Variants in CFAP157 observed in about 807,000 individuals in gnomAD.
The protein encoded by CFAP157 is cilia- and flagella-associated protein 157.
Under a neutral mutation model 57.8 loss-of-function variants are expected in CFAP157, and 43 were observed. That is an observed-to-expected ratio of 0.74 (90% CI 0.58 to 0.96). The LOEUF is 0.96. Ranked by LOEUF, CFAP157 falls within the 40% of genes least tolerant of loss-of-function variation. The pLI is 0.00. For missense variants in CFAP157, 606 were observed against 655.3 expected, an observed-to-expected ratio of 0.92 and a Z score of 0.82; for synonymous variants, 267 against 269.0, an observed-to-expected ratio of 0.99 and a Z score of 0.07.
intron 5 of CFAP157, 49 bp from the exon 6 acceptor site, chr9:127,712,148 CCA>C (rs753366037): frequency 1.2e-6 from 2 of 1,604,576 alleles, no homozygotes; most frequent in Non-Finnish European, 8.5e-7. Flanking sequence ...CCAGGTGGCC[CCA>C]GTCCTGGGGA....
Position 127,709,277 on chromosome 9 carries a change from A to G in CFAP157, c.162-145A>G. On this transcript the variant is annotated intron_variant, in intron 1 of 8. Coordinates refer to ENST00000373295, the MANE Select transcript of CFAP157 (RefSeq NM_001012502.3). This position sits in a 1 kb window ranked among gnomAD's most constrained non-coding sequence, Gnocchi z 4.7. ...TCATGACTGTCGGACCAAGGGGCAT[A>G]GTGGGAGATGAGGCTGGATTCTGAT... The G allele has an allele frequency of 1.3e-6, 1 of 767,630 alleles. No homozygotes were observed. The allele number at this position is 767,630 out of a possible 1,614,324, so 47.6% of individuals were successfully genotyped here. A position where few individuals can be genotyped will look rare whatever the true frequency, so the allele number is the denominator to read the frequency against.
In CFAP157 at chr9:127,707,194, T is replaced by C. The variant is rs772614407; in HGVS notation, c.161+2T>C. 1.2e-6 allele frequency: 2 copies of C among 1,609,786 alleles called. No homozygotes were observed. Among genetic ancestry groups the C allele is most frequent in the Non-Finnish European group, 8.5e-7 (1 of 1,179,066 alleles). The stretch of plus-strand genomic sequence containing the variant: ...AGACCTGGAGGACCGGCTAGCCCGG[T>C]GCGTGGGCTGGCGGGCAGGAGTCTG... On this transcript the variant is annotated splice_donor_variant, in intron 1 of 8. Transcript: ENST00000373295. LOFTEE classifies it high-confidence loss of function.
In CFAP157 at chr9:127,714,910, T is replaced by C. The variant is rs1348347017; in HGVS notation, c.*1005T>C. ...ATCTGTCACAGCCAGTGCTCCCCTC[T>C]GGCCCCCGCGCCCCAACCCCCACCC... On this transcript the variant is annotated 3_prime_UTR_variant, in exon 9 of 9. Coordinates refer to ENST00000373295, the MANE Select transcript of CFAP157 (RefSeq NM_001012502.3). 8 of 926,810 alleles carry C rather than the reference T, an allele frequency of 8.6e-6. No homozygotes were observed. The allele number at this position is 926,810 out of a possible 1,614,324, so 57.4% of individuals were successfully genotyped here.
Position 127,710,586 on chromosome 9 carries a change from C to T in CFAP157, c.434-15C>T, listed in dbSNP as rs375545874. On this transcript the variant is annotated splice_polypyrimidine_tract_variant and intron_variant, in intron 2 of 8. Coordinates refer to ENST00000373295, the MANE Select transcript of CFAP157 (RefSeq NM_001012502.3). ...AGGCAGCCCATCATTGGGCCTTGTG[C>T]GCTGTGGCGGCCAGGGGGGAAGCTG... The T allele has an allele frequency of 6.4e-6, 10 of 1,570,346 alleles. No homozygotes were observed. Among genetic ancestry groups the T allele is most frequent in the South Asian group, 1.2e-5 (1 of 85,484 alleles).
chr9:127,714,422 C>A lies in CFAP157; in HGVS notation c.*517C>A, dbSNP rs143416207. 2.8e-5 allele frequency: 46 copies of A among 1,614,048 alleles called. No homozygotes were observed. The African/African-American group carries it at 5.6e-4, about 20-fold the overall frequency. On this transcript the variant is annotated 3_prime_UTR_variant, in exon 9 of 9. Coordinates refer to ENST00000373295, the MANE Select transcript of CFAP157 (RefSeq NM_001012502.3). The stretch of plus-strand genomic sequence containing the variant: ...AATGCAGGAACGGACTCCATTGTGG[C>A]CCCTTCAAGGGATATGGGAGGGGCA...
chr9:127,710,812 C>T lies in CFAP157; in HGVS notation c.587+58C>T. 4.6e-6 allele frequency: 7 copies of T among 1,534,916 alleles called. No homozygotes were observed. In the South Asian group the frequency reaches 6.0e-5, roughly 13 times the overall value. ...GAGGCTTCATCCCTGGGGCTACGAA[C>T]ATCCTAGTCTTCAGGCCTCAGCTTC... On this transcript the variant is annotated intron_variant, in intron 3 of 8. Transcript: ENST00000373295.
intron 5 of CFAP157, 27 bp downstream of exon 5, chr9:127,711,977 C>A (rs891341638): frequency 1.3e-6 from 2 of 1,590,472 alleles, no homozygotes; most frequent in South Asian, 1.1e-5. Context: ...GAGGGGCGGG[C>A]GGCGGGTGCA....
chr9:127,709,674 C>T lies in CFAP157; in HGVS notation c.414C>T (p.Thr138=), dbSNP rs754390603. The change falls in exon 2 of 9, where the codon ACC becomes ACT. Residue 138 remains threonine (T), a synonymous_variant. Transcript: ENST00000373295. This position sits in a 1 kb window ranked among gnomAD's most constrained non-coding sequence, Gnocchi z 4.7. Reference sequence around the variant, plus strand: ...TCCAGGAGACCAAGGACCAGCTCACCACGGAGAACATCATCCTTGGTGAGG... The same window carrying T: ...TCCAGGAGACCAAGGACCAGCTCACTACGGAGAACATCATCCTTGGTGAGG... The part of the protein sequence containing the change: ...HEFQETKDQL[T]TENIILGGKL... The T allele has an allele frequency of 1.2e-6, 2 of 1,613,478 alleles. No individual in the cohort carries two copies. Among genetic ancestry groups the T allele is most frequent in the Non-Finnish European group, 1.7e-6 (2 of 1,179,876 alleles).
Position 127,714,925 on chromosome 9 carries a change from A to AACCC in CFAP157, c.*1021_*1024dup. ...TGCTCCCCTCTGGCCCCCGCGCCCC[A>AACCC]ACCCCCACCCCCTTGGCCCGCCCGC... On this transcript the variant is annotated 3_prime_UTR_variant, in exon 9 of 9. Transcript: ENST00000373295. The AACCC allele has an allele frequency of 3.2e-6, 1 of 313,266 alleles. No individual in the cohort carries two copies. Among genetic ancestry groups the AACCC allele is most frequent in the Non-Finnish European group, 5.7e-6 (1 of 175,366 alleles). The allele number at this position is 313,266 out of a possible 1,614,324, so 19.4% of individuals were successfully genotyped here.
rs1320233257 is a variant in CFAP157, at chr9:127,709,861, T to C, written c.433+168T>C. Among the ~76,000 whole-genome samples, 2 of 152,120 alleles carry C rather than the reference T, an allele frequency of 1.3e-5. No individual in the cohort carries two copies. Among genetic ancestry groups the C allele is most frequent in the Admixed American group, 6.6e-5 (1 of 15,266 alleles). ...AAGCTGGAAACATCCCCCAACCAGT[T>C]TGTAGACAAGGAAGCACCTCAAAAG... On this transcript the variant is annotated intron_variant, in intron 2 of 8. Transcript: ENST00000373295. This position sits in a 1 kb window ranked among gnomAD's most constrained non-coding sequence, Gnocchi z 4.7.
rs533954528 is a variant in CFAP157, at chr9:127,712,248, T to C, written c.1036T>C (p.Leu346=). Residue 346 remains leucine (L), a synonymous_variant, in exon 6 of 9, where the codon TTG becomes CTG. Transcript: ENST00000373295. ...GCAGCTGGAGCAGCAGCAGGTGGATTTGCAGCGGCTACAGCAGGAACTGGC... is the reference window on the plus strand; with the variant it reads ...GCAGCTGGAGCAGCAGCAGGTGGATCTGCAGCGGCTACAGCAGGAACTGGC... ...SLQLEQQQVD[L]QRLQQELANE... The C allele has an allele frequency of 8.7e-6, 14 of 1,614,016 alleles. No homozygotes were observed. The East Asian group carries it at 8.9e-5, about 10-fold the overall frequency.
chr9:127,711,458 CAGA>C lies in CFAP157; in HGVS notation c.820_822del (p.Lys274del), dbSNP rs1456079367. On this transcript the variant is annotated inframe_deletion, in exon 4 of 9. Transcript: ENST00000373295. ...ACAGCTGGAGCTGCTGGAGAACACC[CAGA>C]AGGTCATGGCCAGGCACAAAAGAGG... is the stretch of plus-strand genomic sequence containing the variant. 6 of 1,614,016 alleles carry C rather than the reference CAGA, an allele frequency of 3.7e-6. No homozygotes were observed. The highest frequency in any genetic ancestry group is 2.2e-5 in the South Asian group (2 of 91,084).
chr9:127,711,119 A>C, intron 3 of CFAP157, 110 bp from the exon 4 acceptor site: 7 of 1,305,788 alleles, frequency 5.4e-6, no homozygotes, highest in Non-Finnish European at 7.3e-6. Flanking sequence ...CCAGGGAGAG[A>C]GCATGCTGGT....
In CFAP157 at chr9:127,711,411, G is replaced by A; in HGVS notation, c.770G>A (p.Gly257Glu). Residue 257 changes from glycine to glutamate, a missense_variant, in exon 4 of 9, where the codon GGA becomes GAA. Coordinates refer to ENST00000373295, the MANE Select transcript of CFAP157 (RefSeq NM_001012502.3). ...CTGCAGGAGAATGAGCAGCTCAAGG[G>A]AAGACAGAACAATCTGTGCAAACAG... ...KLLQENEQLK[G>E]RQNNLCKQLE... 1.9e-6 allele frequency: 3 copies of A among 1,614,158 alleles called. No homozygotes were observed. Among genetic ancestry groups the A allele is most frequent in the Non-Finnish European group, 2.5e-6 (3 of 1,180,044 alleles).
At chr9:127,712,664 ACTGGGGCCACTGTGGGC>A (rs1473123556) in intron 6 of CFAP157, 28 bp from the exon 7 acceptor site, 13 of 1,613,766 alleles carry the variant, frequency 8.1e-6, no homozygotes, top group Non-Finnish European at 1.1e-5. Flanking sequence ...GAGGGTGGGT[ACTGGGGCCACTGTGGGC>A]CTGCTGCCAC....
rs747365184 is a variant in CFAP157, at chr9:127,714,344, C to T, written c.*439C>T. The T allele has an allele frequency of 2.5e-6, 4 of 1,614,154 alleles. No individual in the cohort carries two copies. The highest frequency in any genetic ancestry group is 2.5e-6 in the Non-Finnish European group (3 of 1,179,996). ...GAGGTGCTGGGGGACCCCTGGCCCA[C>T]CCGACCCAGTTGCACAACAAAAGGG... On this transcript the variant is annotated 3_prime_UTR_variant, in exon 9 of 9. Transcript: ENST00000373295.
At chr9:127,712,416 C>T (rs1184916569) in intron 6 of CFAP157, 67 bp downstream of exon 6, 2 of 1,581,364 alleles carry the variant, frequency 1.3e-6, no homozygotes, top group East Asian at 4.5e-5. Flanking sequence ...AAGCTGCTTG[C>T]AGAGAAGGGG....
At position 127,713,055 on chromosome 9, in the gene CFAP157, T is replaced by C; in HGVS notation, c.1340T>C (p.Leu447Pro). Reference sequence around the variant, plus strand: ...ATCCAGCTGCCCAGGACTGGGTCTCTGCTGCCGCAGCTCTCTGACATCACC... The same window carrying C: ...ATCCAGCTGCCCAGGACTGGGTCTCCGCTGCCGCAGCTCTCTGACATCACC... ...PSIQLPRTGSLLPQLSDITPY... is the reference protein window; with the variant it reads ...PSIQLPRTGSPLPQLSDITPY... The change falls in exon 8 of 9, where the codon CTG (leucine) becomes CCG (proline). Residue 447 changes from leucine to proline, a missense_variant. Leu to Pro is a moderately conservative substitution (Grantham distance 98). Coordinates refer to ENST00000373295, the MANE Select transcript of CFAP157 (RefSeq NM_001012502.3). 1 of 1,613,890 alleles carries C rather than the reference T, an allele frequency of 6.2e-7. No homozygotes were observed. The highest frequency in any genetic ancestry group is 8.5e-7 in the Non-Finnish European group (1 of 1,179,930).
rs762728763 is a variant in CFAP157 at position 127,714,667 on chromosome 9, G to A, written c.*762G>A. ...GGCTTGTCCAGCTCATCATGCACCA[G>A]GTAGACTTCCTCGGCAGTCAGCCCA... On this transcript the variant is annotated 3_prime_UTR_variant, in exon 9 of 9. Transcript: ENST00000373295. 1.9e-5 allele frequency: 30 copies of A among 1,613,694 alleles called. No individual in the cohort carries two copies. The highest frequency in any genetic ancestry group is 2.5e-5 in the Non-Finnish European group (30 of 1,179,884).
Sources: gnomAD v4.1 joint callset for allele counts (sites outside exome capture counted in the v4.1 genomes callset) on GRCh38, gnomAD v4.1.1 for gene constraint, Gnocchi (gnomAD v3.1) non-coding constraint, MANE v1.5 for transcripts, NCBI Gene and HGNC (gene_info 2026-07-23, HGNC 2026-07-21) for gene names.